Variants in UNC80 observed in about 807,000 individuals in gnomAD.
The protein encoded by UNC80 is unc-80 subunit of NALCN channel complex, also known as protein unc-80 homolog.
UNC80 carries 164 observed loss-of-function variants against 384.6 expected under a neutral mutation model. The observed-to-expected ratio is 0.43, with a 90% CI of 0.38 to 0.49. The LOEUF (loss-of-function observed/expected upper bound fraction) is 0.49, where lower values mean the gene tolerates loss of function less well. Among genes scored for constraint, UNC80 ranks in the 20% least tolerant of loss-of-function variants. UNC80 has a pLI of 0.00. For missense variants in UNC80, 3,330 were observed against 4,143.0 expected (o/e 0.80, Z 5.39); for synonymous variants, 1,486 against 1,527.8 (o/e 0.97, Z 0.64).
At chr2:209,789,398 A>G (rs1368132222) in intron 5 of UNC80, 134 bp from the exon 6 acceptor site, 4 of 627,078 alleles carry the variant, frequency 6.4e-6, no homozygotes, top group South Asian at 2.2e-5. Context: ...ATCTCTTACA[A>G]TATGCGTTAA....
In UNC80 at chr2:209,820,374, G is replaced by A. The variant is rs1319377179; in HGVS notation, c.2026G>A (p.Ala676Thr). The A allele has an allele frequency of 6.4e-7, 1 of 1,551,986 alleles. No homozygotes were observed. Among genetic ancestry groups the A allele is most frequent in the Non-Finnish European group, 8.7e-7 (1 of 1,147,042 alleles). The change falls in exon 13 of 65, where the codon GCG becomes ACG. Residue 676 changes from alanine to threonine, a missense_variant. By Grantham distance (58) the Ala-to-Thr change is moderately conservative. Transcript: ENST00000673920. ...HDISSRICDV[A>T]LNIVECLLQL... ...CATCAGCTCTCGTATCTGTGACGTG[G>A]CGCTAAACATTGTGGAATGCTTGCT...
chr2:209,990,857 G>A (rs1040968425), intron 61 of UNC80, among the ~76,000 whole-genome samples: 5 of 152,134 alleles, frequency 3.3e-5, no homozygotes, highest in East Asian at 1.9e-4. Flanking sequence ...TATGAATTTC[G>A]TTATTGTGAA....
In UNC80 at chr2:209,995,601, T is replaced by C; in HGVS notation, c.*6T>C. The C allele has an allele frequency of 6.4e-7, 1 of 1,551,736 alleles. No homozygotes were observed. The highest frequency in any genetic ancestry group is 8.7e-7 in the Non-Finnish European group (1 of 1,146,892). On this transcript the variant is annotated 3_prime_UTR_variant, in exon 65 of 65. Coordinates refer to ENST00000673920, the MANE Select transcript of UNC80 (RefSeq NM_001371986.1). ...TAGATGAGTCTCATGTTTAATTCTG[T>C]ATCTTGTAAGCTCTGCAGGTATAGA...
intron 3 of UNC80, among the ~76,000 whole-genome samples, chr2:209,776,379 C>T (rs768704523): frequency 2.6e-4 from 39 of 152,030 alleles, no homozygotes; most frequent in Non-Finnish European, 3.2e-4. Context: ...GTCGGGAGTT[C>T]GAGACCAGAC....
At chr2:209,912,917 A>G (rs2089115667) in intron 30 of UNC80, among the ~76,000 whole-genome samples, 1 of 152,214 alleles carries the variant, frequency 6.6e-6, no homozygotes, top group Non-Finnish European at 1.5e-5. Flanking sequence ...CACTGTCTTC[A>G]CTGCAGGAGA....
chr2:209,809,296 A>G (rs996994303), intron 7 of UNC80: 19 of 757,078 alleles, frequency 2.5e-5, no homozygotes, highest in Non-Finnish European at 3.7e-5. Flanking sequence ...TGCCCTCAAG[A>G]AACACATCCG....
intron 7 of UNC80, chr2:209,795,483 T>G (rs576665269): frequency 6.6e-6 from 1 of 152,360 alleles, no homozygotes; most frequent in African/African-American, 2.4e-5. Context: ...AGGAGCCTAA[T>G]GTTAATCCCC....
chr2:209,849,509 C>T lies in UNC80; in HGVS notation c.3513C>T (p.Asn1171=), dbSNP rs1167672211. The change falls in exon 22 of 65, where the codon AAC becomes AAT. Residue 1171 remains asparagine, a synonymous_variant. Coordinates refer to ENST00000673920, the MANE Select transcript of UNC80 (RefSeq NM_001371986.1). ...SPNQDGGKSK[N]VVNLGAIRQG... ...ACCAAGATGGTGGAAAAAGCAAAAA[C>T]GTGGTGAATCTTGGAGCAATCCGAC... 1.9e-5 allele frequency: 30 copies of T among 1,551,006 alleles called. No individual in the cohort carries two copies. Among genetic ancestry groups the T allele is most frequent in the South Asian group, 2.4e-5 (2 of 84,040 alleles).
At chr2:209,939,706 T>G (rs1462862519) in intron 43 of UNC80, 54 bp downstream of exon 43, 7 of 1,413,374 alleles carry the variant, frequency 5.0e-6, no homozygotes, top group African/African-American at 4.4e-5. Context: ...ACACTTGTTG[T>G]TTTTTTTTAA....
Position 209,917,759 on chromosome 2 carries a change from A to T in UNC80, c.5030-18A>T. Reference sequence around the variant, plus strand: ...AATATTTTAAAAGCATAGCTGATGAATTGTTGACTGTCTCTAGCTGCCATG... The same window carrying T: ...AATATTTTAAAAGCATAGCTGATGATTTGTTGACTGTCTCTAGCTGCCATG... On this transcript the variant is annotated intron_variant, in intron 31 of 64. Coordinates refer to ENST00000673920, the MANE Select transcript of UNC80 (RefSeq NM_001371986.1). 1.3e-6 allele frequency: 2 copies of T among 1,551,560 alleles called. No homozygotes were observed. Among genetic ancestry groups the T allele is most frequent in the Non-Finnish European group, 1.7e-6 (2 of 1,146,866 alleles).
At chr2:209,953,316 G>A (rs1464650153) in intron 47 of UNC80, among the ~76,000 whole-genome samples, 5 of 151,112 alleles carry the variant, frequency 3.3e-5, no homozygotes, top group Non-Finnish European at 4.4e-5. Flanking sequence ...TACTGGGGAG[G>A]CTGAGGTAGG....
intron 22 of UNC80, 126 bp downstream of exon 22, chr2:209,849,749 T>TA (rs1559195865): frequency 2.0e-6 from 2 of 1,013,538 alleles, no homozygotes; most frequent in East Asian, 5.2e-5. Flanking sequence ...GAATTAGTGA[T>TA]AAAAGGGGGA....
intron 29 of UNC80, among the ~76,000 whole-genome samples, chr2:209,911,962 T>C (rs183303293): frequency 6.6e-6 from 1 of 152,258 alleles, no homozygotes; most frequent in Admixed American, 6.5e-5. Flanking sequence ...AAGAGTATGG[T>C]TTTTGAAAAG....
intron 22 of UNC80, among the ~76,000 whole-genome samples, chr2:209,871,781 T>C (rs2084316242): frequency 6.6e-6 from 1 of 151,932 alleles, no homozygotes; most frequent in African/African-American, 2.4e-5. Flanking sequence ...TACCAGATTC[T>C]GGATATCAGC....
At chr2:209,832,669 G>C (rs754939886) in intron 16 of UNC80, among the ~76,000 whole-genome samples, 1 of 152,140 alleles carries the variant, frequency 6.6e-6, no homozygotes, top group African/African-American at 2.4e-5. Flanking sequence ...GTGTAGCACA[G>C]GTACCATCCA....
chr2:209,819,188 G>T lies in UNC80; in HGVS notation c.1889G>T (p.Ser630Ile), dbSNP rs766431461. 1 of 1,552,048 alleles carries T rather than the reference G, an allele frequency of 6.4e-7. No individual in the cohort carries two copies. The highest frequency in any genetic ancestry group is 8.7e-7 in the Non-Finnish European group (1 of 1,147,068). The change falls in exon 12 of 65, where the codon AGC (serine) becomes ATC (isoleucine). Residue 630 changes from serine (S) to isoleucine (I), a missense_variant. Ser to Ile is a moderately radical substitution (Grantham distance 142, BLOSUM62 -2). This residue lies in a region of UNC80 where 937 missense variants were observed against 1,026.8 expected (regional missense o/e 0.91). Transcript: ENST00000673920. ...RSLTDSCINY[S>I]YLEDTEHIDG... Reference sequence around the variant, plus strand: ...CTCACAGACTCCTGCATAAACTACAGCTACCTAGAGGACACAGAACATATT... The same window carrying T: ...CTCACAGACTCCTGCATAAACTACATCTACCTAGAGGACACAGAACATATT...
intron 62 of UNC80, 42 bp downstream of exon 62, chr2:209,992,289 T>C: frequency 6.6e-7 from 1 of 1,523,806 alleles, no homozygotes; most frequent in Non-Finnish European, 8.9e-7. Flanking sequence ...TCCTACGAAT[T>C]GGAAGCTCTG....
At position 209,976,676 on chromosome 2, in the gene UNC80, A is replaced by G. The variant is rs1233163324; in HGVS notation, c.8773-237A>G. Among the ~76,000 whole-genome samples, 1 of 152,132 alleles carries G rather than the reference A, an allele frequency of 6.6e-6. No individual in the cohort carries two copies. ...AAGAAAAACATAGGATACTTAACGT[A>G]TGTTTTTCCTCCAAGACCCTCGGTA... is the stretch of plus-strand genomic sequence containing the variant. On this transcript the variant is annotated intron_variant, in intron 57 of 64. Coordinates refer to ENST00000673920, the MANE Select transcript of UNC80 (RefSeq NM_001371986.1). This position sits in a 1 kb window ranked among gnomAD's most constrained non-coding sequence, Gnocchi z 4.3.
intron 21 of UNC80, among the ~76,000 whole-genome samples, chr2:209,844,153 C>T (rs183087173): frequency 3.3e-5 from 5 of 152,166 alleles, no homozygotes; most frequent in African/African-American, 9.6e-5. Flanking sequence ...CACGGTCAGA[C>T]GTCAGTATTA....
Sources: gnomAD v4.1 joint callset for allele counts (sites outside exome capture counted in the v4.1 genomes callset) on GRCh38, gnomAD v4.1.1 for gene constraint, gnomAD v4.1.1 regional missense constraint, Gnocchi (gnomAD v3.1) non-coding constraint, MANE v1.5 for transcripts, NCBI Gene and HGNC (gene_info 2026-07-23, HGNC 2026-07-21) for gene names.